PTPN5: variants seen among roughly 807,000 people sequenced by gnomAD.
PTPN5 encodes the protein tyrosine-protein phosphatase non-receptor type 5.
In PTPN5, 29 loss-of-function variants were observed where a neutral mutation model predicts 73.9. That is an observed-to-expected ratio of 0.39 (90% CI 0.29 to 0.54). The LOEUF is 0.54. PTPN5 is among the 20% of genes least tolerant of loss of function. The pLI, the probability that PTPN5 is intolerant of heterozygous loss-of-function variation, is 0.65. For missense variants in PTPN5, 652 were observed against 751.4 expected (o/e 0.87, Z 1.55); for synonymous variants, 267 against 304.7 (o/e 0.88, Z 1.29).
At chr11:18,781,838 G>A (rs1851445779) in intron 1 of PTPN5, among the ~76,000 whole-genome samples, 1 of 152,132 alleles carries the variant, frequency 6.6e-6, no homozygotes, top group Non-Finnish European at 1.5e-5. Flanking sequence ...CACTGAGGCT[G>A]TCTTATGGGA....
At chr11:18,789,220 G>C (rs1236772421) in intron 1 of PTPN5, among the ~76,000 whole-genome samples, 1 of 152,052 alleles carries the variant, frequency 6.6e-6, no homozygotes, top group Non-Finnish European at 1.5e-5. Context: ...TATGTGTTAG[G>C]GACTGTACTA....
intron 3 of PTPN5, among the ~76,000 whole-genome samples, chr11:18,754,135 A>T (rs4757710): frequency 1.3e-5 from 2 of 151,840 alleles, no homozygotes; most frequent in African/African-American, 2.4e-5. Flanking sequence ...GTATGATGGA[A>T]GATGCTCTAG....
rs1038950956 is a variant in PTPN5 at position 18,731,146 on chromosome 11, C to CTA, written c.1330-1330_1330-1329dup. Among the ~76,000 whole-genome samples, 33 of 145,772 alleles carry CTA rather than the reference C, an allele frequency of 2.3e-4. No individual in the cohort carries two copies. In the East Asian group the frequency reaches 5.3e-3, roughly 24 times the overall value. ...TATACATATATATATACACACACAC[C>CTA]TATATATATATTTATATTTTATATA... On this transcript the variant is annotated intron_variant, in intron 12 of 14. Transcript: ENST00000358540.
intron 3 of PTPN5, among the ~76,000 whole-genome samples, chr11:18,745,048 A>G (rs1259416457): frequency 6.6e-6 from 1 of 152,236 alleles, no homozygotes; most frequent in Non-Finnish European, 1.5e-5. Flanking sequence ...TTCTGCTACT[A>G]AAGAGTCTGA....
chr11:18,732,492 T>C (rs1478013927), intron 12 of PTPN5, 100 bp downstream of exon 12: 3 of 823,484 alleles, frequency 3.6e-6, no homozygotes, highest in African/African-American at 3.4e-5. Flanking sequence ...CTGGCTTTTA[T>C]GTCAGTTACA....
Position 18,742,962 on chromosome 11 carries a change from C to A in PTPN5, c.483+30G>T. ...AGGCCTCAAGGTCAGAGGAGGACAG[C>A]CTTGAGGTTGGGGTCAGGAGGCGCC... On this transcript the variant is annotated intron_variant, in intron 6 of 14. Coordinates refer to ENST00000358540, the MANE Select transcript of PTPN5 (RefSeq NM_006906.2). This position sits in a 1 kb window ranked among gnomAD's most constrained non-coding sequence, Gnocchi z 4.1. 3 of 1,429,940 alleles carry A rather than the reference C, an allele frequency of 2.1e-6. No homozygotes were observed. Among genetic ancestry groups the A allele is most frequent in the Non-Finnish European group, 1.9e-6 (2 of 1,036,188 alleles). 88.6% of individuals were successfully genotyped at this position (1,429,940 alleles called of 1,614,324 possible). A position where few individuals can be genotyped will look rare whatever the true frequency, so the allele number is the denominator to read the frequency against.
At chr11:18,772,675 G>A (rs910330193) in intron 1 of PTPN5, among the ~76,000 whole-genome samples, 3 of 152,268 alleles carry the variant, frequency 2.0e-5, no homozygotes, top group East Asian at 1.9e-4. Flanking sequence ...TGAGGGGCTC[G>A]GGCAACAGTT....
At chr11:18,740,866 G>A in intron 7 of PTPN5, 74 bp from the exon 8 acceptor site, 1 of 971,286 alleles carries the variant, frequency 1.0e-6, no homozygotes, top group Non-Finnish European at 1.4e-6. Context: ...TCCAGGGCTG[G>A]GAAAATGAGG....
chr11:18,777,979 A>C (rs112005074), intron 1 of PTPN5, among the ~76,000 whole-genome samples: 1 of 40,592 alleles, frequency 2.5e-5, no homozygotes, highest in Non-Finnish European at 6.6e-5. Flanking sequence ...AGGAAGGAAG[A>C]AAGAAAGAAA....
chr11:18,772,219 A>G (rs1850936629), intron 1 of PTPN5, 148 bp from the exon 2 acceptor site: 1 of 524,324 alleles, frequency 1.9e-6, no homozygotes, highest in East Asian at 3.5e-5. Context: ...CTTGCTACAC[A>G]GACAGCCCAG....
At chr11:18,746,192 T>TATATATATATAC (rs550537453) in intron 3 of PTPN5, among the ~76,000 whole-genome samples, 1,412 of 102,622 alleles carry the variant, frequency 0.014, 80 homozygotes, top group South Asian at 0.029. Flanking sequence ...TATATATATA[T>TATATATATATAC]ACATTTTTTT....
At chr11:18,740,010 C>T (rs1849292406) in intron 8 of PTPN5, among the ~76,000 whole-genome samples, 1 of 152,212 alleles carries the variant, frequency 6.6e-6, no homozygotes, top group Non-Finnish European at 1.5e-5. Context: ...ATTTTATTGA[C>T]AACAAAGGTG....
At chr11:18,752,052 A>G (rs1240218610) in intron 3 of PTPN5, among the ~76,000 whole-genome samples, 2 of 152,096 alleles carry the variant, frequency 1.3e-5, no homozygotes, top group Non-Finnish European at 2.9e-5. Context: ...CCAATATGGT[A>G]AAACCCCGTC....
intron 9 of PTPN5, among the ~76,000 whole-genome samples, chr11:18,736,520 G>A (rs1388873436): frequency 6.6e-6 from 1 of 152,182 alleles, no homozygotes; most frequent in African/African-American, 2.4e-5. Context: ...AGCCCCTGGG[G>A]CAGGAGCCGA....
Position 18,729,113 on chromosome 11 carries a change from C to T in PTPN5, c.1605-86G>A, listed in dbSNP as rs921100279. ...CCCAAAAGCCATGGAGTAGCAATCA[C>T]TTGCCAGGCCTTGCCCCTGTGCGTC... On this transcript the variant is annotated intron_variant, in intron 14 of 14. Transcript: ENST00000358540. This position sits in a 1 kb window ranked among gnomAD's most constrained non-coding sequence, Gnocchi z 5.2. The T allele has an allele frequency of 1.8e-5, 25 of 1,355,606 alleles. No individual in the cohort carries two copies. The highest frequency in any genetic ancestry group is 2.5e-5 in the Non-Finnish European group (24 of 968,000). 84.0% of individuals were successfully genotyped at this position (1,355,606 alleles called of 1,614,324 possible).
chr11:18,767,587 A>G (rs1419886928), intron 2 of PTPN5, among the ~76,000 whole-genome samples: 1 of 152,178 alleles, frequency 6.6e-6, no homozygotes, highest in East Asian at 1.9e-4. Flanking sequence ...TCCAGTGCTT[A>G]TGGCACAGAA....
intron 2 of PTPN5, among the ~76,000 whole-genome samples, chr11:18,766,320 GA>G (rs1302961449): frequency 6.6e-6 from 1 of 152,130 alleles, no homozygotes; most frequent in Non-Finnish European, 1.5e-5. Flanking sequence ...TATGACCTAG[GA>G]CTCCAGGCTC....
chr11:18,788,413 C>T (rs1179806639), intron 1 of PTPN5, among the ~76,000 whole-genome samples: 1 of 152,166 alleles, frequency 6.6e-6, no homozygotes, highest in East Asian at 1.9e-4. Context: ...CATCCCCTTA[C>T]CCAACCTTCC....
rs756213775 is a variant in PTPN5, at chr11:18,729,669, G to A, written c.1479C>T (p.Ile493=). ...QQEGPHCAPI[I]VHCSAGIGRT... The stretch of plus-strand genomic sequence containing the variant: ...CTGGGAGGACCCACCTGCAGTGGAC[G>A]ATGATGGGGGCACAGTGGGGCCCCT... The change falls in exon 13 of 15, where the codon ATC becomes ATT. Residue 493 remains isoleucine (I), a synonymous_variant. Transcript: ENST00000358540. The surrounding 1 kb of genome is among the most constrained non-coding windows in gnomAD (Gnocchi z 5.2). 5.1e-6 allele frequency: 8 copies of A among 1,573,328 alleles called. No individual in the cohort carries two copies. In the Admixed American group the frequency reaches 6.9e-5, roughly 14 times the overall value.
Sources: gnomAD v4.1 joint callset for allele counts (sites outside exome capture counted in the v4.1 genomes callset) on GRCh38, gnomAD v4.1.1 for gene constraint, Gnocchi (gnomAD v3.1) non-coding constraint, MANE v1.5 for transcripts, NCBI Gene and HGNC (gene_info 2026-07-23, HGNC 2026-07-21) for gene names.